The following USP22 variants were observed in gnomAD, a reference collection of about 807,000 sequenced individuals.
USP22 encodes the protein ubiquitin carboxyl-terminal hydrolase 22.
Under a neutral mutation model 68.1 loss-of-function variants are expected in USP22, and 22 were observed. The ratio of observed to expected loss-of-function variants is 0.32; its 90% CI spans 0.23 to 0.46. The LOEUF is 0.46. Ranked by LOEUF, USP22 falls within the 20% of genes least tolerant of loss-of-function variation. USP22 has a pLI of 1.00. For missense variants in USP22, 433 were observed against 695.8 expected (o/e 0.62, Z 4.25); for synonymous variants, 279 against 274.2 (o/e 1.02, Z -0.17).
chr17:21,030,922 C>G (rs1972281787), intron 1 of USP22, among the ~76,000 whole-genome samples: 1 of 152,156 alleles, frequency 6.6e-6, no homozygotes, highest in Non-Finnish European at 1.5e-5. Context: ...AGTGTGATAA[C>G]TGTATTGCGC....
rs573920614 is a variant in USP22, at chr17:21,010,542, T to C, written c.1103+609A>G. 3.8e-5 allele frequency among the ~76,000 whole-genome samples: 5 copies of C among 130,680 alleles called. No individual in the cohort carries two copies. In the South Asian group the frequency reaches 1.5e-3, roughly 39 times the overall value. The allele number at this position is 130,680 out of a possible 152,430, so 85.7% of individuals were successfully genotyped here. ...AAATACAAAAATTAGCCAGGCGTGGTGGTGCACACCTGTAGTCCCAGCTAC... is the reference window on the plus strand; with the variant it reads ...AAATACAAAAATTAGCCAGGCGTGGCGGTGCACACCTGTAGTCCCAGCTAC... On this transcript the variant is annotated intron_variant, in intron 8 of 12. Coordinates refer to ENST00000261497, the MANE Select transcript of USP22 (RefSeq NM_015276.2).
intron 1 of USP22, among the ~76,000 whole-genome samples, chr17:21,032,381 G>C (rs1016519420): frequency 6.6e-6 from 1 of 152,226 alleles, no homozygotes; most frequent in Non-Finnish European, 1.5e-5. Flanking sequence ...CACGTCCATT[G>C]ATAATACTGT....
At chr17:21,021,088 C>T in intron 3 of USP22, 25 bp downstream of exon 3, 1 of 1,566,776 alleles carries the variant, frequency 6.4e-7, no homozygotes, top group Non-Finnish European at 8.8e-7. Context: ...CAGGATCAAG[C>T]AGGTAAACTG....
chr17:21,017,925 A>C lies in USP22; in HGVS notation c.690+17T>G, dbSNP rs768754706. 1.2e-6 allele frequency: 2 copies of C among 1,611,394 alleles called. No individual in the cohort carries two copies. The highest frequency in any genetic ancestry group is 2.2e-5 in the South Asian group (2 of 90,346). On this transcript the variant is annotated intron_variant, in intron 5 of 12. Coordinates refer to ENST00000261497, the MANE Select transcript of USP22 (RefSeq NM_015276.2). ...AAGTAACAGAAATGTTCCCCTGCAG[A>C]AGTCAATGGCGCTCACCTCCTGAAA... is the stretch of plus-strand genomic sequence containing the variant.
At chr17:21,015,527 T>A in intron 6 of USP22, 2 of 565,206 alleles carry the variant, frequency 3.5e-6, no homozygotes, top group Non-Finnish European at 5.8e-6. Context: ...CCTGTCATAC[T>A]GCTGGAACTA....
chr17:21,041,957 C>A (rs1410818996), intron 1 of USP22, among the ~76,000 whole-genome samples: 7 of 152,136 alleles, frequency 4.6e-5, no homozygotes, highest in Non-Finnish European at 1.0e-4. Flanking sequence ...CACAGGCTCG[C>A]CCCGGCCCCA....
At chr17:21,025,681 C>T (rs1972210821) in intron 2 of USP22, among the ~76,000 whole-genome samples, 2 of 152,158 alleles carry the variant, frequency 1.3e-5, no homozygotes, top group Non-Finnish European at 1.5e-5. Context: ...GAATGAAATA[C>T]TAATCCATAA....
intron 8 of USP22, among the ~76,000 whole-genome samples, 197 bp downstream of exon 8, chr17:21,010,954 T>C (rs1466661242): frequency 1.3e-5 from 2 of 152,194 alleles, no homozygotes; most frequent in African/African-American, 2.4e-5. Flanking sequence ...TGTGCGAAGC[T>C]GGGGGACAGA....
In USP22 at chr17:21,000,889, A is replaced by C. The variant is rs1913547463; in HGVS notation, c.*2142T>G. On this transcript the variant is annotated 3_prime_UTR_variant, in exon 13 of 13. Coordinates refer to ENST00000261497, the MANE Select transcript of USP22 (RefSeq NM_015276.2). ...ACATGGTGAAACCCCATCTCTACTAAAAATACAAAAATTAGCCTGGCGTGG... is the reference window on the plus strand; with the variant it reads ...ACATGGTGAAACCCCATCTCTACTACAAATACAAAAATTAGCCTGGCGTGG... The C allele has an allele frequency of 6.6e-6, 1 of 152,152 alleles. No homozygotes were observed. The highest frequency in any genetic ancestry group is 2.4e-5 in the African/African-American group (1 of 41,414). The allele number at this position is 152,152 out of a possible 1,614,324, so 9.4% of individuals were successfully genotyped here.
chr17:21,041,605 T>A (rs1441775857), intron 1 of USP22, among the ~76,000 whole-genome samples: 2 of 152,068 alleles, frequency 1.3e-5, no homozygotes, highest in Non-Finnish European at 2.9e-5. Flanking sequence ...CTCAAAAAAA[T>A]AATTTTTTTT....
At chr17:21,024,569 AG>A (rs775497839) in intron 2 of USP22, among the ~76,000 whole-genome samples, 5 of 152,238 alleles carry the variant, frequency 3.3e-5, no homozygotes, top group Non-Finnish European at 7.3e-5. Context: ...TATGAGAACC[AG>A]AAATATAAAA....
chr17:21,003,912 A>T (rs1293845687), intron 12 of USP22, among the ~76,000 whole-genome samples: 1 of 151,978 alleles, frequency 6.6e-6, no homozygotes, highest in Non-Finnish European at 1.5e-5. Context: ...AAAAAAAAAA[A>T]AAAAAAAAAA....
intron 8 of USP22, 59 bp from the exon 9 acceptor site, chr17:21,008,055 G>A: frequency 1.9e-6 from 3 of 1,574,896 alleles, no homozygotes; most frequent in Non-Finnish European, 2.6e-6. Flanking sequence ...AGAAAAATGA[G>A]AGGAAAGAGG....
rs1314268667 is a variant in USP22, at chr17:21,036,526, G to GC, written c.171+6138_171+6139insG. Among the ~76,000 whole-genome samples the GC allele has an allele frequency of 9.9e-5, 14 of 141,720 alleles. 1 individual carries two copies. Among genetic ancestry groups the GC allele is most frequent in the African/African-American group, 3.1e-4 (12 of 39,042 alleles). 93.0% of individuals were successfully genotyped at this position (141,720 alleles called of 152,430 possible). A position where few individuals can be genotyped will look rare whatever the true frequency, so the allele number is the denominator to read the frequency against. On this transcript the variant is annotated intron_variant, in intron 1 of 12. Transcript: ENST00000261497. ...AACTGAGCACTGTACTGTAAGGGGGGGGGGGGTCAAGTCATTTCCCAAGGG... is the reference window on the plus strand; with the variant it reads ...AACTGAGCACTGTACTGTAAGGGGGGCGGGGGGTCAAGTCATTTCCCAAGGG...
At chr17:21,017,904 A>G (rs571517348) in intron 5 of USP22, 38 bp downstream of exon 5, 3 of 1,602,118 alleles carry the variant, frequency 1.9e-6, no homozygotes, top group African/African-American at 1.3e-5. Flanking sequence ...AAAACAAAGT[A>G]ACAGAAATGT....
chr17:21,024,458 A>G (rs912823425), intron 2 of USP22, among the ~76,000 whole-genome samples: 35 of 152,340 alleles, frequency 2.3e-4, no homozygotes, highest in Admixed American at 1.3e-4. Context: ...GGGATAGGGT[A>G]TCTCTGTAAC....
chr17:21,036,071 T>C (rs1385510024), intron 1 of USP22, among the ~76,000 whole-genome samples: 1 of 135,544 alleles, frequency 7.4e-6, no homozygotes, highest in Admixed American at 7.4e-5. Flanking sequence ...GAACTTTCAA[T>C]CCACTCAATG....
At chr17:21,033,552 AC>A (rs1972317948) in intron 1 of USP22, among the ~76,000 whole-genome samples, 1 of 152,064 alleles carries the variant, frequency 6.6e-6, no homozygotes, top group Non-Finnish European at 1.5e-5. Flanking sequence ...TCAACAGTAC[AC>A]TGAATTTTGA....
intron 10 of USP22, 167 bp downstream of exon 10, chr17:21,006,729 T>G: frequency 2.3e-6 from 1 of 434,088 alleles, no homozygotes; most frequent in Non-Finnish European, 4.2e-6. Context: ...GGTCTCAATC[T>G]GTTGACCTCA....
Sources: gnomAD v4.1 joint callset for allele counts (sites outside exome capture counted in the v4.1 genomes callset) on GRCh38, gnomAD v4.1.1 for gene constraint, MANE v1.5 for transcripts, NCBI Gene and HGNC (gene_info 2026-07-23, HGNC 2026-07-21) for gene names.